LRRC36: variants seen among roughly 807,000 people sequenced by gnomAD.
LRRC36 encodes leucine rich repeat containing 36, also known as leucine-rich repeat-containing protein 36.
LRRC36 carries 62 observed loss-of-function variants against 81.1 expected under a neutral mutation model. That is an observed-to-expected ratio of 0.76 (90% CI 0.62 to 0.94). The LOEUF is 0.94. Among genes scored for constraint, LRRC36 ranks in the 40% least tolerant of loss-of-function variants. LRRC36 has a pLI of 0.00. For missense variants in LRRC36, 761 were observed against 881.7 expected (o/e 0.86, Z 1.73); for synonymous variants, 334 against 348.6 (o/e 0.96, Z 0.47).
intron 8 of LRRC36, among the ~76,000 whole-genome samples, 186 bp from the exon 9 acceptor site, chr16:67,370,757 TG>T (rs2039600815): frequency 1.3e-5 from 2 of 152,150 alleles, no homozygotes; most frequent in African/African-American, 4.8e-5. Context: ...TATGTTCCCC[TG>T]CTCTGGTGTA....
At chr16:67,365,240 C>A (rs1412800886) in intron 6 of LRRC36, 64 bp from the exon 7 acceptor site, 2 of 1,022,924 alleles carry the variant, frequency 2.0e-6, no homozygotes, top group Non-Finnish European at 3.0e-6. Flanking sequence ...AACCCCTAGT[C>A]TAATAAGCTC....
intron 9 of LRRC36, chr16:67,371,485 T>C: frequency 1.9e-6 from 1 of 534,840 alleles, no homozygotes; most frequent in Non-Finnish European, 3.4e-6. Flanking sequence ...CTGATCTACT[T>C]CCGGCTGAAG....
rs763173787 is a variant in LRRC36 at position 67,341,985 on chromosome 16, A to T, written c.99A>T (p.Gly33=). The change falls in exon 2 of 14, where the codon GGA becomes GGT. Residue 33 remains glycine, a synonymous_variant. Coordinates refer to ENST00000329956, the MANE Select transcript of LRRC36 (RefSeq NM_018296.6). ...PELVESLSLQ[G]SYAGKIHSIG... ...TGGTGGAGTCTCTTTCATTGCAGGG[A>T]TCTTATGCTGGCAAAATCCATTCCA... 18 of 1,611,388 alleles carry T rather than the reference A, an allele frequency of 1.1e-5. No individual in the cohort carries two copies. Among genetic ancestry groups the T allele is most frequent in the Non-Finnish European group, 1.5e-5 (18 of 1,178,262 alleles).
At chr16:67,365,737 T>C (rs2039355209) in intron 7 of LRRC36, among the ~76,000 whole-genome samples, 1 of 152,206 alleles carries the variant, frequency 6.6e-6, no homozygotes, top group Admixed American at 6.5e-5. Flanking sequence ...ACATAATTTT[T>C]AAATTGTTAA....
intron 8 of LRRC36, 108 bp from the exon 9 acceptor site, chr16:67,370,836 G>T (rs1597490206): frequency 1.2e-5 from 10 of 834,588 alleles, no homozygotes; most frequent in Middle Eastern, 2.3e-4. Context: ...GAGGATGTAT[G>T]CTAGGGAGTG....
chr16:67,344,080 G>A (rs958414688), intron 2 of LRRC36, among the ~76,000 whole-genome samples: 1 of 151,960 alleles, frequency 6.6e-6, no homozygotes, highest in Non-Finnish European at 1.5e-5. Context: ...GCCTCCCAAA[G>A]TGCTGGGATT....
chr16:67,377,293 C>T (rs773427212), intron 11 of LRRC36, among the ~76,000 whole-genome samples: 7 of 152,230 alleles, frequency 4.6e-5, no homozygotes, highest in Middle Eastern at 3.4e-3. Context: ...AAGGAAGAAG[C>T]AACTCATATC....
At chr16:67,329,747 A>G (rs543518730) in intron 1 of LRRC36, among the ~76,000 whole-genome samples, 4 of 152,036 alleles carry the variant, frequency 2.6e-5, no homozygotes, top group South Asian at 2.1e-4. Flanking sequence ...GTGAAACCCC[A>G]TCTCTATTAA....
At chr16:67,352,211 A>T (rs1016803929) in intron 5 of LRRC36, among the ~76,000 whole-genome samples, 3 of 152,168 alleles carry the variant, frequency 2.0e-5, no homozygotes, top group Non-Finnish European at 4.4e-5. Flanking sequence ...TTAATATAAA[A>T]TTTATTTTGC....
intron 1 of LRRC36, among the ~76,000 whole-genome samples, chr16:67,330,078 A>G (rs1462115192): frequency 6.6e-6 from 1 of 152,066 alleles, no homozygotes; most frequent in Non-Finnish European, 1.5e-5. Context: ...TATAACCTGA[A>G]CTTTGCTCAT....
At chr16:67,331,565 C>T (rs1210624029) in intron 1 of LRRC36, among the ~76,000 whole-genome samples, 1 of 152,082 alleles carries the variant, frequency 6.6e-6, no homozygotes, top group Non-Finnish European at 1.5e-5. Context: ...TTGGAGGGGA[C>T]GTTCAAACCA....
At chr16:67,344,156 C>T (rs749363192) in intron 2 of LRRC36, among the ~76,000 whole-genome samples, 6 of 152,062 alleles carry the variant, frequency 3.9e-5, no homozygotes, top group Non-Finnish European at 7.4e-5. Flanking sequence ...AGTTCTGAAT[C>T]CCTTTGTTTA....
At chr16:67,339,695 A>C (rs1284717321) in intron 1 of LRRC36, among the ~76,000 whole-genome samples, 2 of 152,050 alleles carry the variant, frequency 1.3e-5, no homozygotes, top group African/African-American at 4.8e-5. Flanking sequence ...GCTTCCTGAG[A>C]TCCGTCCATT....
In LRRC36 at chr16:67,371,094, C is replaced by T; in HGVS notation, c.1346C>T (p.Thr449Ile). The change falls in exon 9 of 14, where the codon ACA becomes ATA. Residue 449 changes from threonine (T) to isoleucine (I), a missense_variant. Thr to Ile is a moderately conservative substitution (Grantham distance 89). This residue lies in a region of LRRC36 where 359 missense variants were observed against 388.4 expected (regional missense o/e 0.92). Coordinates refer to ENST00000329956, the MANE Select transcript of LRRC36 (RefSeq NM_018296.6). ...VLGNRTTPLR[T>I]LLLSPGTSEH... is the part of the protein sequence containing the mutation. ...GGAAACAGGACAACTCCTCTGCGGA[C>T]ACTGCTGTTGTCTCCTGGGACTTCA... 6.2e-7 allele frequency: 1 copy of T among 1,614,242 alleles called. No individual in the cohort carries two copies. The highest frequency in any genetic ancestry group is 1.1e-5 in the South Asian group (1 of 91,084).
chr16:67,382,647 C>A (rs558449398), intron 13 of LRRC36, among the ~76,000 whole-genome samples: 3 of 152,152 alleles, frequency 2.0e-5, no homozygotes, highest in Non-Finnish European at 2.9e-5. Context: ...ACTCAAAGTG[C>A]GTTGTTTCCT....
intron 1 of LRRC36, among the ~76,000 whole-genome samples, chr16:67,339,259 T>TAAAAAAAAAA (rs57925409): frequency 8.1e-6 from 1 of 122,998 alleles, no homozygotes. Context: ...GTTAATACTG[T>TAAAAAAAAAA]AAAAAAAAAA....
intron 1 of LRRC36, among the ~76,000 whole-genome samples, chr16:67,335,898 A>G (rs2037738680): frequency 6.6e-6 from 1 of 151,928 alleles, no homozygotes; most frequent in Non-Finnish European, 1.5e-5. Context: ...ACGCCCAGCT[A>G]ATTTTGTATT....
chr16:67,383,348 C>T (rs2040183828), intron 13 of LRRC36, among the ~76,000 whole-genome samples: 1 of 152,170 alleles, frequency 6.6e-6, no homozygotes, highest in African/African-American at 2.4e-5. Context: ...AAAAGCTTTT[C>T]ATTATAATTA....
chr16:67,353,567 A>G (rs1352110604), intron 5 of LRRC36, among the ~76,000 whole-genome samples: 3 of 151,864 alleles, frequency 2.0e-5, no homozygotes, highest in Admixed American at 6.6e-5. Context: ...TTGTATTTTT[A>G]GTGGAGACAG....
Sources: gnomAD v4.1 joint callset for allele counts (sites outside exome capture counted in the v4.1 genomes callset) on GRCh38, gnomAD v4.1.1 for gene constraint, gnomAD v4.1.1 regional missense constraint, MANE v1.5 for transcripts, NCBI Gene and HGNC (gene_info 2026-07-23, HGNC 2026-07-21) for gene names.